Variants in COL6A6 observed in about 807,000 individuals in gnomAD.
COL6A6 encodes collagen alpha-6(VI) chain.
Under a neutral mutation model 208.6 loss-of-function variants are expected in COL6A6, and 183 were observed. The ratio of observed to expected loss-of-function variants is 0.88; its 90% CI spans 0.78 to 0.99. The LOEUF is 0.99. Ranked by LOEUF, COL6A6 falls within the 50% of genes least tolerant of loss-of-function variation. The probability of loss-of-function intolerance (pLI) is 0.00; values close to 1 mark genes in which losing one functional copy is unlikely to be tolerated. For missense variants in COL6A6, 2,816 were observed against 2,815.2 expected (o/e 1.00, Z -0.01); for synonymous variants, 973 against 1,011.8 (o/e 0.96, Z 0.73).
At chr3:130,648,973 A>G in intron 32 of COL6A6, 96 bp from the exon 33 acceptor site, 1 of 1,007,644 alleles carries the variant, frequency 9.9e-7, no homozygotes, top group Non-Finnish European at 1.4e-6. Flanking sequence ...CTCTTTAAGT[A>G]TTTGAATGCT....
chr3:130,615,630 A>G (rs1480761065), intron 23 of COL6A6, among the ~76,000 whole-genome samples: 1 of 152,246 alleles, frequency 6.6e-6, no homozygotes, highest in Non-Finnish European at 1.5e-5. Flanking sequence ...GTCATGGTAG[A>G]AATAACTTGA....
intron 22 of COL6A6, among the ~76,000 whole-genome samples, chr3:130,609,439 T>C (rs1165679614): frequency 2.6e-5 from 4 of 152,214 alleles, no homozygotes; most frequent in African/African-American, 9.7e-5. Flanking sequence ...GCCAGCTGAC[T>C]TCTCCAGGGA....
At chr3:130,652,643 C>T (rs776182571) in intron 33 of COL6A6, among the ~76,000 whole-genome samples, 65 of 152,160 alleles carry the variant, frequency 4.3e-4, no homozygotes, top group Admixed American at 1.3e-4. Flanking sequence ...TGGTTAGAAC[C>T]CAATGTCTGA....
At chr3:130,662,382 A>T in intron 35 of COL6A6, 74 bp downstream of exon 35, 1 of 1,396,412 alleles carries the variant, frequency 7.2e-7, no homozygotes, top group East Asian at 2.3e-5. Context: ...TTGATGAGCT[A>T]ACATGGATAC....
intron 36 of COL6A6, among the ~76,000 whole-genome samples, chr3:130,668,424 G>A (rs1163589647): frequency 6.6e-6 from 1 of 152,122 alleles, no homozygotes; most frequent in African/African-American, 2.4e-5. Context: ...GTTGCAGTGA[G>A]CCAAGATCAC....
rs762177258 is a variant in COL6A6, at chr3:130,574,519, G to A, written c.3541G>A (p.Glu1181Lys). The part of the protein sequence containing the change: ...IVRNICTTAG[E>K]SNCFVDVVVG... ...TCGCAACATCTGTACCACAGCGGGT[G>A]AAAGCAGTAAGTATTTAGCAAGTTC... Residue 1181 changes from glutamate to lysine, a missense_variant, in exon 8 of 37, where the codon GAA becomes AAA. Glu to Lys is a moderately conservative substitution (Grantham distance 56, BLOSUM62 1). Transcript: ENST00000358511. 25 of 1,612,884 alleles carry A rather than the reference G, an allele frequency of 1.6e-5. No homozygotes were observed. Among genetic ancestry groups the A allele is most frequent in the East Asian group, 4.5e-5 (2 of 44,874 alleles).
chr3:130,552,976 A>G (rs553365038), intron 1 of COL6A6, among the ~76,000 whole-genome samples: 4 of 152,228 alleles, frequency 2.6e-5, no homozygotes, highest in African/African-American at 9.6e-5. Context: ...TAGGCCTCCA[A>G]TCTCTTCTGG....
chr3:130,614,603 C>A (rs891053710), intron 23 of COL6A6, among the ~76,000 whole-genome samples: 2 of 152,098 alleles, frequency 1.3e-5, no homozygotes, highest in Admixed American at 1.3e-4. Context: ...CTTCTTTATA[C>A]ATCTGATAGA....
chr3:130,560,541 G>T lies in COL6A6; in HGVS notation c.64+113G>T, dbSNP rs185329752. On this transcript the variant is annotated intron_variant, in intron 2 of 36. Transcript: ENST00000358511. ...GTATCACTTTGTTTTGATTTTGATG[G>T]TAGTGAGATTAAGGGCGGTAAGTCA... The T allele has an allele frequency of 1.3e-4, 117 of 882,872 alleles. No individual in the cohort carries two copies. In the East Asian group the frequency reaches 3.0e-3, roughly 23 times the overall value. The allele number at this position is 882,872 out of a possible 1,614,324, so 54.7% of individuals were successfully genotyped here. A position where few individuals can be genotyped will look rare whatever the true frequency, so the allele number is the denominator to read the frequency against.
intron 20 of COL6A6, among the ~76,000 whole-genome samples, chr3:130,604,057 A>T (rs2064106681): frequency 6.6e-6 from 1 of 152,168 alleles, no homozygotes; most frequent in Non-Finnish European, 1.5e-5. Flanking sequence ...AACCATTAAG[A>T]TATTTTGGAA....
chr3:130,602,559 A>C (rs2108153136), intron 20 of COL6A6, among the ~76,000 whole-genome samples: 1 of 152,348 alleles, frequency 6.6e-6, no homozygotes, highest in East Asian at 1.9e-4. Context: ...TTGCTCTTAA[A>C]GTTTGAAACA....
intron 2 of COL6A6, among the ~76,000 whole-genome samples, chr3:130,561,814 G>A (rs1204201016): frequency 8.6e-5 from 13 of 151,106 alleles, no homozygotes; most frequent in African/African-American, 2.7e-4. Context: ...CACCGCGCCC[G>A]GCTAATTTTT....
At chr3:130,605,605 C>G (rs572838218) in intron 20 of COL6A6, among the ~76,000 whole-genome samples, 1 of 152,128 alleles carries the variant, frequency 6.6e-6, no homozygotes, top group South Asian at 2.1e-4. Context: ...AGGGTTTCAT[C>G]TCATGATGAT....
intron 23 of COL6A6, among the ~76,000 whole-genome samples, chr3:130,613,710 T>A (rs903913680): frequency 6.6e-6 from 1 of 152,146 alleles, no homozygotes; most frequent in African/African-American, 2.4e-5. Flanking sequence ...AATTCTCATT[T>A]TAGAGATTGT....
intron 1 of COL6A6, among the ~76,000 whole-genome samples, chr3:130,531,345 C>T (rs975427882): frequency 3.3e-5 from 5 of 152,178 alleles, no homozygotes; most frequent in Admixed American, 3.3e-4. Context: ...GTCAGTGGCA[C>T]CCCACACCCC....
In COL6A6 at chr3:130,581,827, G is replaced by A; in HGVS notation, c.3814G>A (p.Gly1272Arg). 1 of 1,613,472 alleles carries A rather than the reference G, an allele frequency of 6.2e-7. No homozygotes were observed. Among genetic ancestry groups the A allele is most frequent in the Non-Finnish European group, 8.5e-7 (1 of 1,179,406 alleles). The change falls in exon 9 of 37, where the codon GGA (glycine) becomes AGA (arginine). Residue 1272 changes from glycine (G) to arginine (R), a missense_variant. Coordinates refer to ENST00000358511, the MANE Select transcript of COL6A6 (RefSeq NM_001102608.3). ...LNSLKDITVK[G>R]PSLLNANLLD... is the part of the protein sequence containing the mutation. Reference sequence around the variant, plus strand: ...TAGCTTGAAGGATATAACAGTTAAAGGACCATCTCTTCTCAATGCAAACCT... The same window carrying A: ...TAGCTTGAAGGATATAACAGTTAAAAGACCATCTCTTCTCAATGCAAACCT...
intron 24 of COL6A6, among the ~76,000 whole-genome samples, chr3:130,625,211 C>T (rs1031836782): frequency 2.0e-5 from 3 of 152,190 alleles, no homozygotes; most frequent in African/African-American, 7.2e-5. Context: ...TGATCTCCTG[C>T]TTCCCTTATA....
At chr3:130,570,746 A>G (rs1009813931) in intron 6 of COL6A6, 72 bp from the exon 7 acceptor site, 7 of 1,157,368 alleles carry the variant, frequency 6.0e-6, no homozygotes, top group East Asian at 2.3e-5. Context: ...AGCAATTTAT[A>G]AAAAGGTTGA....
At chr3:130,606,517 C>T (rs1300315113) in intron 20 of COL6A6, among the ~76,000 whole-genome samples, 1 of 152,168 alleles carries the variant, frequency 6.6e-6, no homozygotes, top group Non-Finnish European at 1.5e-5. Context: ...CCTCTGGCCT[C>T]CTGCCTTTTG....
Sources: allele counts gnomAD v4.1 joint callset (sites outside exome capture counted in the v4.1 genomes callset), GRCh38; gene constraint gnomAD v4.1.1; transcripts MANE v1.5; gene names NCBI Gene and HGNC (gene_info 2026-07-23, HGNC 2026-07-21).